The following B3GAT2 variants were observed in gnomAD, a reference collection of about 807,000 sequenced individuals.
The protein encoded by B3GAT2 is beta-1,3-glucuronyltransferase 2.
Under a neutral mutation model 27.8 loss-of-function variants are expected in B3GAT2, and 26 were observed. That is an observed-to-expected ratio of 0.93 (90% CI 0.68 to 1.30). The LOEUF (loss-of-function observed/expected upper bound fraction) is 1.30, where lower values mean the gene tolerates loss of function less well. Ranked by LOEUF, B3GAT2 falls within the 50% of genes most tolerant of loss-of-function variation. The pLI, the probability that B3GAT2 is intolerant of heterozygous loss-of-function variation, is 0.00. For synonymous variants in B3GAT2, 218 were observed against 195.1 expected, an observed-to-expected ratio of 1.12 and a Z score of -0.98; for missense variants, 458 against 459.0, an observed-to-expected ratio of 1.00 and a Z score of 0.02.
At chr6:70,870,568 GT>G (rs1771918281) in intron 2 of B3GAT2, among the ~76,000 whole-genome samples, 1 of 151,690 alleles carries the variant, frequency 6.6e-6, no homozygotes, top group South Asian at 2.1e-4. Flanking sequence ...AAAAAAAAGA[GT>G]TTTCCTTTTC....
intron 1 of B3GAT2, among the ~76,000 whole-genome samples, chr6:70,899,933 T>G (rs137972392): frequency 6.6e-6 from 1 of 152,328 alleles, no homozygotes; most frequent in Non-Finnish European, 1.5e-5. Flanking sequence ...TTTCTCAACA[T>G]GAAATAGCAG....
intron 1 of B3GAT2, among the ~76,000 whole-genome samples, chr6:70,944,987 C>A (rs1325249353): frequency 6.6e-6 from 1 of 152,130 alleles, no homozygotes; most frequent in Non-Finnish European, 1.5e-5. Context: ...CTCTAGCAAA[C>A]TCCAACAGAC....
chr6:70,929,553 AACAG>A (rs1773025310), intron 1 of B3GAT2, among the ~76,000 whole-genome samples: 1 of 151,882 alleles, frequency 6.6e-6, no homozygotes, highest in Non-Finnish European at 1.5e-5. Context: ...ATACACCAAA[AACAG>A]ACAGAGAGAC....
intron 1 of B3GAT2, among the ~76,000 whole-genome samples, chr6:70,950,368 C>T (rs1342430643): frequency 6.6e-6 from 1 of 151,630 alleles, no homozygotes. Context: ...AAGGAGAAAG[C>T]TAAGAGTTGA....
chr6:70,944,757 C>G (rs1396736103), intron 1 of B3GAT2, among the ~76,000 whole-genome samples: 1 of 152,200 alleles, frequency 6.6e-6, no homozygotes, highest in Non-Finnish European at 1.5e-5. Context: ...TGAGAACAGG[C>G]AGACTGCCTC....
At chr6:70,888,947 C>T (rs1356710525) in intron 2 of B3GAT2, among the ~76,000 whole-genome samples, 1 of 152,198 alleles carries the variant, frequency 6.6e-6, no homozygotes, top group Non-Finnish European at 1.5e-5. Flanking sequence ...TCCACTTGTA[C>T]TCATTTTCGA....
chr6:70,860,419 TA>T lies in B3GAT2; in HGVS notation c.*1243del, dbSNP rs1275816398. On this transcript the variant is annotated 3_prime_UTR_variant, in exon 4 of 4. Transcript: ENST00000230053. Reference sequence around the variant, plus strand: ...TAGTTCCCCTGTTTATTCATATGCATATTTTTTTTCTTTTTACCCATTTGTT... The same window carrying T: ...TAGTTCCCCTGTTTATTCATATGCATTTTTTTTTCTTTTTACCCATTTGTT... The T allele has an allele frequency of 4.9e-5, 73 of 1,487,066 alleles. 1 individual carries two copies. Among genetic ancestry groups the T allele is most frequent in the Non-Finnish European group, 5.9e-5 (66 of 1,109,584 alleles). 92.1% of individuals were successfully genotyped at this position (1,487,066 alleles called of 1,614,324 possible).
chr6:70,931,128 G>T (rs904178079), intron 1 of B3GAT2, among the ~76,000 whole-genome samples: 1 of 152,018 alleles, frequency 6.6e-6, no homozygotes, highest in Non-Finnish European at 1.5e-5. Flanking sequence ...GGTGGGAACT[G>T]AACAATGAGA....
At chr6:70,881,125 C>T (rs938540489) in intron 2 of B3GAT2, among the ~76,000 whole-genome samples, 1 of 152,086 alleles carries the variant, frequency 6.6e-6, no homozygotes, top group Non-Finnish European at 1.5e-5. Flanking sequence ...TCCAGGAGGG[C>T]TTTGGGATCC....
intron 2 of B3GAT2, among the ~76,000 whole-genome samples, chr6:70,876,108 C>T (rs757888409): frequency 4.4e-4 from 67 of 152,180 alleles, no homozygotes; most frequent in Non-Finnish European, 5.0e-4. Context: ...ATATGCTGGG[C>T]ATGGCAGAGT....
intron 1 of B3GAT2, among the ~76,000 whole-genome samples, chr6:70,946,668 T>C (rs891793034): frequency 6.6e-6 from 1 of 152,076 alleles, no homozygotes; most frequent in African/African-American, 2.4e-5. Flanking sequence ...ATTAGACAGA[T>C]CAACGAGACA....
intron 1 of B3GAT2, among the ~76,000 whole-genome samples, chr6:70,910,289 C>A (rs751378688): frequency 2.0e-5 from 3 of 152,082 alleles, no homozygotes; most frequent in Non-Finnish European, 2.9e-5. Context: ...AGGTAATAAG[C>A]ATATTAGGTC....
In B3GAT2 at chr6:70,894,207, AC is replaced by A. The variant is rs1562221156; in HGVS notation, c.656del (p.Arg219LeufsTer31). On this transcript the variant is annotated frameshift_variant, in exon 2 of 4. Transcript: ENST00000230053. LOFTEE classifies it high-confidence loss of function. ...CAACTTTGCCGTTTTCCACCAGCGGACGTTCGTAGCGCCGCCCACCAACCAG... is the reference window on the plus strand; with the variant it reads ...CAACTTTGCCGTTTTCCACCAGCGGAGTTCGTAGCGCCGCCCACCAACCAG... ...VGLVGGRRYE[R>X]PLVENGKVVG... is the part of the protein sequence containing the mutation. The A allele has an allele frequency of 6.2e-7, 1 of 1,613,854 alleles. No individual in the cohort carries two copies. The highest frequency in any genetic ancestry group is 1.7e-5 in the Admixed American group (1 of 60,014).
At chr6:70,889,764 C>T (rs186981084) in intron 2 of B3GAT2, among the ~76,000 whole-genome samples, 1 of 151,716 alleles carries the variant, frequency 6.6e-6, no homozygotes, top group African/African-American at 2.4e-5. Flanking sequence ...AATCTCTCCC[C>T]CTCTGCTCCA....
chr6:70,866,246 G>A (rs1315129703), intron 2 of B3GAT2, among the ~76,000 whole-genome samples: 6 of 152,166 alleles, frequency 3.9e-5, no homozygotes, highest in South Asian at 2.1e-4. Flanking sequence ...GAAGGTTATC[G>A]TGCCTGTTGT....
chr6:70,881,871 G>C (rs1772104429), intron 2 of B3GAT2, among the ~76,000 whole-genome samples: 1 of 152,074 alleles, frequency 6.6e-6, no homozygotes, highest in South Asian at 2.1e-4. Context: ...TCCAAACTTA[G>C]CCTCACATTT....
intron 1 of B3GAT2, among the ~76,000 whole-genome samples, chr6:70,948,319 T>C (rs1455736145): frequency 1.5e-3 from 218 of 146,236 alleles, no homozygotes; most frequent in Middle Eastern, 0.011. Context: ...CATGGTTGTA[T>C]ATCTAGAAAA....
chr6:70,888,018 G>A (rs1772218597), intron 2 of B3GAT2, among the ~76,000 whole-genome samples: 1 of 152,212 alleles, frequency 6.6e-6, no homozygotes, highest in South Asian at 2.1e-4. Context: ...AGAGCTATGA[G>A]CAAGGGACTG....
intron 2 of B3GAT2, among the ~76,000 whole-genome samples, chr6:70,889,137 T>G (rs1772241259): frequency 1.3e-5 from 2 of 152,152 alleles, no homozygotes; most frequent in African/African-American, 4.8e-5. Context: ...TTCCCAGCCC[T>G]TGGCTTCCTT....
Sources: gnomAD v4.1 joint callset for allele counts (sites outside exome capture counted in the v4.1 genomes callset) on GRCh38, gnomAD v4.1.1 for gene constraint, MANE v1.5 for transcripts, NCBI Gene and HGNC (gene_info 2026-07-23, HGNC 2026-07-21) for gene names.